The following PDHX variants were observed in gnomAD, a reference collection of about 807,000 sequenced individuals.
The protein encoded by PDHX is pyruvate dehydrogenase complex component X.
Under a neutral mutation model 55.3 loss-of-function variants are expected in PDHX, and 33 were observed. That is an observed-to-expected ratio of 0.60 (90% confidence interval 0.45 to 0.80). The LOEUF is 0.80. Among genes scored for constraint, PDHX ranks in the 30% least tolerant of loss-of-function variants. The pLI is 0.00. For missense variants in PDHX, 622 were observed against 619.9 expected (o/e 1.00, Z -0.04); for synonymous variants, 226 against 219.4 (o/e 1.03, Z -0.27).
intron 5 of PDHX, among the ~76,000 whole-genome samples, 178 bp from the exon 6 acceptor site, chr11:34,966,462 T>G (rs894110035): frequency 6.6e-5 from 10 of 152,188 alleles, no homozygotes; most frequent in African/African-American, 2.4e-4. Context: ...CAAATAATGG[T>G]CAGCAGACCA....
At chr11:34,958,740 C>T (rs937621567) in intron 4 of PDHX, among the ~76,000 whole-genome samples, 14 of 152,208 alleles carry the variant, frequency 9.2e-5, no homozygotes, top group Non-Finnish European at 1.3e-4. Context: ...TAATGGTCTT[C>T]TGCCCTTGCA....
intron 2 of PDHX, among the ~76,000 whole-genome samples, chr11:34,932,561 TA>T (rs1357595820): frequency 6.6e-6 from 1 of 152,138 alleles, no homozygotes; most frequent in Non-Finnish European, 1.5e-5. Context: ...TGACAGTACT[TA>T]AAAAGTTCGA....
Position 34,966,623 on chromosome 11 carries a change from T to C in PDHX, c.642-17T>C, listed in dbSNP as rs1440279909. The C allele has an allele frequency of 2.5e-6, 4 of 1,613,312 alleles. No individual in the cohort carries two copies. Among genetic ancestry groups the C allele is most frequent in the Admixed American group, 1.7e-5 (1 of 60,000 alleles). On this transcript the variant is annotated splice_polypyrimidine_tract_variant and intron_variant, in intron 5 of 10. Transcript: ENST00000227868. ...CTTATTGCTAATTATGGTTATCTAC[T>C]TTGCTCTTATTTCCAGGGATGCTCT...
chr11:34,962,280 T>C (rs2762963), intron 5 of PDHX, among the ~76,000 whole-genome samples: 91,131 of 152,038 alleles, frequency 0.6, 28,836 homozygotes, highest in East Asian at 0.75. Context: ...TACTTGAATG[T>C]GGTTAGAAGA....
chr11:34,983,721 G>T (rs1312258267), intron 8 of PDHX, among the ~76,000 whole-genome samples: 1 of 152,032 alleles, frequency 6.6e-6, no homozygotes, highest in Non-Finnish European at 1.5e-5. Context: ...TTACAAGGGA[G>T]GTGAAGGACT....
At chr11:34,940,160 T>C (rs1270616676) in intron 2 of PDHX, among the ~76,000 whole-genome samples, 1 of 152,206 alleles carries the variant, frequency 6.6e-6, no homozygotes, top group Non-Finnish European at 1.5e-5. Context: ...CGTGAAGCAC[T>C]ATGGAACAAA....
At chr11:34,944,750 G>A (rs1239752227) in intron 2 of PDHX, among the ~76,000 whole-genome samples, 1 of 152,018 alleles carries the variant, frequency 6.6e-6, no homozygotes, top group Non-Finnish European at 1.5e-5. Flanking sequence ...GTATTTATAT[G>A]TTACATATTT....
intron 3 of PDHX, among the ~76,000 whole-genome samples, chr11:34,949,782 A>G (rs1415841898): frequency 2.0e-5 from 3 of 152,170 alleles, no homozygotes; most frequent in African/African-American, 7.2e-5. Flanking sequence ...GTGAGGATGA[A>G]AAGGGTATAA....
At chr11:34,922,211 G>A (rs1853899515) in intron 1 of PDHX, among the ~76,000 whole-genome samples, 1 of 152,172 alleles carries the variant, frequency 6.6e-6, no homozygotes, top group Non-Finnish European at 1.5e-5. Flanking sequence ...ATAGACTTTG[G>A]CTAATCAAGG....
intron 8 of PDHX, among the ~76,000 whole-genome samples, chr11:34,979,323 C>A (rs1250295797): frequency 6.6e-6 from 1 of 152,032 alleles, no homozygotes; most frequent in Admixed American, 6.6e-5. Context: ...AACATATGAG[C>A]CTGCAGTTCA....
chr11:34,940,476 G>A (rs902948282), intron 2 of PDHX, among the ~76,000 whole-genome samples: 1 of 152,152 alleles, frequency 6.6e-6, no homozygotes, highest in Non-Finnish European at 1.5e-5. Context: ...GTATATGTTT[G>A]TGGTGCTAAA....
At chr11:34,932,406 A>T (rs1008177651) in intron 2 of PDHX, among the ~76,000 whole-genome samples, 23 of 152,346 alleles carry the variant, frequency 1.5e-4, no homozygotes, top group African/African-American at 5.3e-4. Context: ...TGTCAACTCA[A>T]CAAGAAAGTG....
intron 2 of PDHX, among the ~76,000 whole-genome samples, chr11:34,942,143 A>G (rs888746689): frequency 6.6e-6 from 1 of 152,152 alleles, no homozygotes; most frequent in Non-Finnish European, 1.5e-5. Flanking sequence ...TTTCATACCC[A>G]GTGCTTAGTA....
chr11:34,978,759 A>T (rs1326343010), intron 8 of PDHX, among the ~76,000 whole-genome samples: 1 of 152,018 alleles, frequency 6.6e-6, no homozygotes, highest in Non-Finnish European at 1.5e-5. Context: ...TAGTATGGAG[A>T]GGTGGGAGAT....
intron 8 of PDHX, among the ~76,000 whole-genome samples, chr11:34,980,366 T>TTTTTTTTTTTTTTTTTTG (rs1855483460): frequency 3.5e-5 from 5 of 143,106 alleles, no homozygotes; most frequent in Admixed American, 7.0e-5. Flanking sequence ...TTTTTTTTTT[T>TTTTTTTTTTTTTTTTTTG]GAGCAGCAGC....
intron 2 of PDHX, among the ~76,000 whole-genome samples, chr11:34,946,574 G>A (rs1197597899): frequency 1.3e-5 from 2 of 152,100 alleles, no homozygotes; most frequent in African/African-American, 2.4e-5. Context: ...AAGGAATTTT[G>A]CAATTGATAT....
intron 7 of PDHX, 104 bp from the exon 8 acceptor site, chr11:34,978,020 A>G (rs747901200): frequency 1.4e-6 from 1 of 712,558 alleles, no homozygotes. Flanking sequence ...ATTTTTTATC[A>G]TTGTTTGTCA....
chr11:34,955,203 A>C (rs934986259), intron 3 of PDHX, among the ~76,000 whole-genome samples: 1 of 152,162 alleles, frequency 6.6e-6, no homozygotes, highest in Non-Finnish European at 1.5e-5. Flanking sequence ...ATGAGCTACC[A>C]TGGAGGTAGC....
chr11:34,994,800 A>AT (rs1329892216), intron 10 of PDHX, 114 bp from the exon 11 acceptor site: 6 of 1,103,122 alleles, frequency 5.4e-6, no homozygotes, highest in Admixed American at 1.8e-5. Context: ...TTACTCATAT[A>AT]TTTTTTTCTT....
Sources: allele counts gnomAD v4.1 joint callset (sites outside exome capture counted in the v4.1 genomes callset), GRCh38; gene constraint gnomAD v4.1.1; transcripts MANE v1.5; gene names NCBI Gene and HGNC (gene_info 2026-07-23, HGNC 2026-07-21).